MAGI2: variants seen among roughly 807,000 people sequenced by gnomAD.
The protein encoded by MAGI2 is membrane-associated guanylate kinase, WW and PDZ domain-containing protein 2.
MAGI2 carries 35 observed loss-of-function variants against 133.3 expected under a neutral mutation model. That is an observed-to-expected ratio of 0.26 (90% CI 0.20 to 0.35). The LOEUF (loss-of-function observed/expected upper bound fraction) is 0.35, where lower values mean the gene tolerates loss of function less well. Among genes scored for constraint, MAGI2 ranks in the 10% least tolerant of loss-of-function variants. MAGI2 has a pLI of 1.00. For missense variants in MAGI2, 1,636 were observed against 1,863.4 expected (o/e 0.88, Z 2.25); for synonymous variants, 729 against 710.6 (o/e 1.03, Z -0.41).
At chr7:78,456,072 CT>C (rs374928010) in intron 6 of MAGI2, among the ~76,000 whole-genome samples, 4,118 of 146,664 alleles carry the variant, frequency 0.028, 187 homozygotes, top group African/African-American at 0.092. Flanking sequence ...ACATGATGTA[CT>C]TTTTTTTTTT....
At chr7:78,718,374 A>G (rs995452570) in intron 2 of MAGI2, among the ~76,000 whole-genome samples, 1 of 152,154 alleles carries the variant, frequency 6.6e-6, no homozygotes, top group Non-Finnish European at 1.5e-5. Context: ...CATCCTATTA[A>G]GAACTGGGCC....
At chr7:78,083,406 GAGAGAGAGAGAGAGAGAGAGAGAGAC>G (rs1281910829) in intron 20 of MAGI2, among the ~76,000 whole-genome samples, 5 of 135,878 alleles carry the variant, frequency 3.7e-5, no homozygotes, top group African/African-American at 1.1e-4. Flanking sequence ...GAGAGAGAGA[GAGAGAGAGAGAGAGAGAGAGAGAGAC>G]AGAGAGAGAG....
intron 2 of MAGI2, among the ~76,000 whole-genome samples, chr7:78,931,256 G>A (rs1032107325): frequency 3.3e-5 from 5 of 152,096 alleles, no homozygotes; most frequent in Non-Finnish European, 7.4e-5. Context: ...TCAATGACTG[G>A]ATTTGATTTT....
chr7:78,655,377 C>T (rs1812065986), intron 2 of MAGI2, among the ~76,000 whole-genome samples: 1 of 145,604 alleles, frequency 6.9e-6, no homozygotes, highest in African/African-American at 2.5e-5. Flanking sequence ...TCTTTCCTAC[C>T]ATGCAATCTC....
At chr7:79,442,658 C>A (rs1848568657) in intron 1 of MAGI2, among the ~76,000 whole-genome samples, 1 of 152,094 alleles carries the variant, frequency 6.6e-6, no homozygotes, top group Non-Finnish European at 1.5e-5. Context: ...ATTTTAACTG[C>A]TAGTAGGTAA....
intron 2 of MAGI2, among the ~76,000 whole-genome samples, chr7:78,826,829 T>C (rs1790696303): frequency 6.6e-6 from 1 of 152,100 alleles, no homozygotes; most frequent in Non-Finnish European, 1.5e-5. Flanking sequence ...CAATATAGAC[T>C]ACCGTGATAC....
At position 78,223,540 on chromosome 7, in the gene MAGI2, T is replaced by C. The variant is rs919426877; in HGVS notation, c.2048-22347A>G. ...ACTTTAAAGAAATATTAACAAGTTA[T>C]GTTATCAAATAGTTCAAAGAAATAG... On this transcript the variant is annotated intron_variant, in intron 10 of 21. Transcript: ENST00000354212. Among the ~76,000 whole-genome samples, 18 of 152,214 alleles carry C rather than the reference T, an allele frequency of 1.2e-4. No individual in the cohort carries two copies. In the East Asian group the frequency reaches 1.3e-3, roughly 11 times the overall value.
chr7:78,645,640 G>GGTGT (rs59287974), intron 2 of MAGI2, among the ~76,000 whole-genome samples: 12,369 of 147,348 alleles, frequency 0.084, 593 homozygotes, highest in South Asian at 0.14. Flanking sequence ...ATATAAGTGT[G>GGTGT]GTGTGTGTGT....
intron 9 of MAGI2, among the ~76,000 whole-genome samples, chr7:78,290,721 A>AAAAT (rs1349527149): frequency 3.9e-5 from 6 of 152,262 alleles, no homozygotes; most frequent in Non-Finnish European, 8.8e-5. Flanking sequence ...CAGCAAATGT[A>AAAAT]AAATAACAGA....
intron 5 of MAGI2, chr7:78,490,143 A>G: frequency 2.6e-6 from 1 of 382,836 alleles, no homozygotes; most frequent in African/African-American, 2.1e-5. Flanking sequence ...TTACAAATAC[A>G]GGATTCTCCA....
chr7:79,118,192 A>G (rs1819570789), intron 1 of MAGI2, among the ~76,000 whole-genome samples: 2 of 152,102 alleles, frequency 1.3e-5, no homozygotes, highest in Admixed American at 1.3e-4. Flanking sequence ...GACAGTCCTG[A>G]TTTATGCCTC....
intron 1 of MAGI2, among the ~76,000 whole-genome samples, chr7:79,451,815 C>G (rs1218807195): frequency 6.6e-6 from 1 of 152,148 alleles, no homozygotes; most frequent in African/African-American, 2.4e-5. Flanking sequence ...AACCCTTATG[C>G]TAATATGCCT....
intron 4 of MAGI2, among the ~76,000 whole-genome samples, chr7:78,511,982 G>C (rs941213601): frequency 2.0e-5 from 3 of 151,992 alleles, no homozygotes; most frequent in South Asian, 4.2e-4. Context: ...CATTAGCCGG[G>C]GGTGGTGGCG....
chr7:78,503,919 C>T (rs1794865085), intron 4 of MAGI2, among the ~76,000 whole-genome samples: 1 of 150,170 alleles, frequency 6.7e-6, no homozygotes, highest in South Asian at 2.2e-4. Flanking sequence ...GTCAATTAAA[C>T]CTCTTTCCTT....
At chr7:79,294,906 CT>C (rs1217785312) in intron 1 of MAGI2, among the ~76,000 whole-genome samples, 333 of 140,260 alleles carry the variant, frequency 2.4e-3, no homozygotes, top group Middle Eastern at 3.7e-3. Flanking sequence ...AATTTTTGTA[CT>C]TTTTTTTTTT....
chr7:78,088,642 G>A (rs762231899), intron 20 of MAGI2, among the ~76,000 whole-genome samples: 4 of 152,126 alleles, frequency 2.6e-5, no homozygotes, highest in Non-Finnish European at 5.9e-5. Flanking sequence ...GAGAGCTGGC[G>A]CCATGAAAGA....
intron 1 of MAGI2, among the ~76,000 whole-genome samples, chr7:79,077,433 C>T (rs1584871960): frequency 6.6e-6 from 1 of 150,712 alleles, no homozygotes; most frequent in African/African-American, 2.4e-5. Flanking sequence ...TGGTGGCGGG[C>T]GCCTGTAGTC....
chr7:79,124,866 T>C (rs1820261579), intron 1 of MAGI2: 2 of 230,610 alleles, frequency 8.7e-6, no homozygotes, highest in African/African-American at 4.7e-5. Context: ...GGTTGTGTGG[T>C]AACAAGAAAT....
intron 2 of MAGI2, among the ~76,000 whole-genome samples, chr7:78,824,494 C>G (rs570968484): frequency 6.6e-6 from 1 of 152,232 alleles, no homozygotes; most frequent in South Asian, 2.1e-4. Flanking sequence ...TGGTATCTCA[C>G]TGTGGTTTTG....
Sources: gnomAD v4.1 joint callset for allele counts (sites outside exome capture counted in the v4.1 genomes callset) on GRCh38, gnomAD v4.1.1 for gene constraint, MANE v1.5 for transcripts, NCBI Gene and HGNC (gene_info 2026-07-23, HGNC 2026-07-21) for gene names.